Variants in PLCG2 observed in about 807,000 individuals in gnomAD.
PLCG2 encodes 1-phosphatidylinositol 4,5-bisphosphate phosphodiesterase gamma-2.
PLCG2 carries 69 observed loss-of-function variants against 175.6 expected under a neutral mutation model. That is an observed-to-expected ratio of 0.39 (90% CI 0.32 to 0.48). The LOEUF (loss-of-function observed/expected upper bound fraction) is 0.48, where lower values mean the gene tolerates loss of function less well. Ranked by LOEUF, PLCG2 falls within the 20% of genes least tolerant of loss-of-function variation. The pLI is 0.91. For synonymous variants in PLCG2, 827 were observed against 624.0 expected (o/e 1.33, Z -4.85); for missense variants, 1,798 against 1,650.9 (o/e 1.09, Z -1.54).
intron 23 of PLCG2, 114 bp from the exon 24 acceptor site, chr16:81,928,444 C>T: frequency 2.8e-6 from 2 of 712,610 alleles, no homozygotes; most frequent in Non-Finnish European, 2.6e-6. Context: ...AATGAAAATG[C>T]ATTTTAAACA....
At chr16:81,864,198 A>C (rs1907116970) in intron 5 of PLCG2, among the ~76,000 whole-genome samples, 1 of 152,150 alleles carries the variant, frequency 6.6e-6, no homozygotes, top group Non-Finnish European at 1.5e-5. Context: ...GGTGGTGGGC[A>C]GGGCTCAAGA....
At chr16:81,829,418 ATGTTGAC>A (rs1313341200) in intron 2 of PLCG2, among the ~76,000 whole-genome samples, 1 of 152,062 alleles carries the variant, frequency 6.6e-6, no homozygotes, top group African/African-American at 2.4e-5. Flanking sequence ...CAGTTTCACC[ATGTTGAC>A]CAGGCTAGTC....
intron 1 of PLCG2, among the ~76,000 whole-genome samples, chr16:81,751,138 G>A (rs528973738): frequency 2.8e-4 from 43 of 151,524 alleles, no homozygotes; most frequent in African/African-American, 1.0e-3. Context: ...ATTCCACCAT[G>A]CCCAGCTAAT....
chr16:81,885,573 T>G (rs1185930532), intron 9 of PLCG2, among the ~76,000 whole-genome samples: 1 of 152,218 alleles, frequency 6.6e-6, no homozygotes, highest in Non-Finnish European at 1.5e-5. Flanking sequence ...ACCCCAGACT[T>G]TGCGTCATTT....
chr16:81,957,450 C>T (rs575799087), intron 32 of PLCG2, among the ~76,000 whole-genome samples: 6 of 152,210 alleles, frequency 3.9e-5, no homozygotes, highest in South Asian at 2.1e-4. Flanking sequence ...AATTTAATAG[C>T]GAAAATAAAT....
intron 1 of PLCG2, among the ~76,000 whole-genome samples, chr16:81,752,000 C>T (rs1206550519): frequency 6.6e-6 from 1 of 151,096 alleles, no homozygotes; most frequent in Non-Finnish European, 1.5e-5. Flanking sequence ...CCAGCCTGGC[C>T]AACAAAGCAA....
intron 2 of PLCG2, among the ~76,000 whole-genome samples, chr16:81,769,759 G>A (rs1167951861): frequency 1.4e-5 from 2 of 141,424 alleles, no homozygotes; most frequent in East Asian, 2.0e-4. Context: ...GGCGGAGCTT[G>A]CAGTGAGCCG....
At chr16:81,830,404 T>C (rs1905212165) in intron 2 of PLCG2, among the ~76,000 whole-genome samples, 1 of 152,120 alleles carries the variant, frequency 6.6e-6, no homozygotes, top group Non-Finnish European at 1.5e-5. Context: ...CTTCTTGGGT[T>C]CAAGCGTTTC....
chr16:81,883,820 C>A (rs1045011438), intron 9 of PLCG2, among the ~76,000 whole-genome samples: 5 of 152,328 alleles, frequency 3.3e-5, no homozygotes, highest in African/African-American at 9.6e-5. Flanking sequence ...GGGACAGTCT[C>A]CCTGGACAGG....
intron 2 of PLCG2, among the ~76,000 whole-genome samples, chr16:81,824,219 C>G (rs1458643804): frequency 6.6e-6 from 1 of 151,492 alleles, no homozygotes; most frequent in African/African-American, 2.4e-5. Flanking sequence ...CCGCAACCTC[C>G]ACCTCCCGGC....
intron 2 of PLCG2, among the ~76,000 whole-genome samples, chr16:81,839,695 A>G (rs1254289696): frequency 6.6e-6 from 1 of 152,200 alleles, no homozygotes; most frequent in Non-Finnish European, 1.5e-5. Context: ...AAGGGTGGGC[A>G]CCATTTAAAT....
At chr16:81,787,219 T>A (rs74599228) in intron 2 of PLCG2, among the ~76,000 whole-genome samples, 4 of 144,272 alleles carry the variant, frequency 2.8e-5, no homozygotes, top group South Asian at 2.2e-4. Context: ...CTTTTTTTTT[T>A]AAAACAAAAT....
At chr16:81,818,117 C>T (rs1430215948) in intron 2 of PLCG2, among the ~76,000 whole-genome samples, 1 of 152,194 alleles carries the variant, frequency 6.6e-6, no homozygotes, top group East Asian at 1.9e-4. Context: ...ACCTACTTTA[C>T]AGGGCTCTCG....
intron 2 of PLCG2, among the ~76,000 whole-genome samples, chr16:81,758,846 T>G (rs1007575343): frequency 6.6e-6 from 1 of 152,064 alleles, no homozygotes; most frequent in African/African-American, 2.4e-5. Context: ...CCCAGCTAAT[T>G]TTTATATTTT....
intron 8 of PLCG2, 28 bp downstream of exon 8, chr16:81,880,981 G>A (rs758583672): frequency 1.9e-6 from 3 of 1,612,222 alleles, no homozygotes; most frequent in African/African-American, 2.7e-5. Flanking sequence ...TGTCGTTCGG[G>A]GCGGCTGTGC....
rs117518127 is a variant in PLCG2 at position 81,749,926 on chromosome 16, C to T, written c.-144-5944C>T. On this transcript the variant is annotated intron_variant, in intron 1 of 5. Transcript: ENST00000565054. ...TTCACTTAAGTGTAATCCATCTACG[C>T]GGCGGAATGCAAGGTACCATGGTTG... 9.9e-5 allele frequency among the ~76,000 whole-genome samples: 15 copies of T among 152,078 alleles called. No homozygotes were observed. The East Asian group carries it at 2.1e-3, about 22-fold the overall frequency.
chr16:81,761,409 T>C (rs913913718), intron 2 of PLCG2, among the ~76,000 whole-genome samples: 1 of 152,178 alleles, frequency 6.6e-6, no homozygotes, highest in Non-Finnish European at 1.5e-5. Flanking sequence ...TGTAAGTGTA[T>C]TGTAATTATG....
intron 16 of PLCG2, 51 bp from the exon 17 acceptor site, chr16:81,908,365 C>T (rs758353499): frequency 6.5e-7 from 1 of 1,529,512 alleles, no homozygotes; most frequent in Non-Finnish European, 9.0e-7. Context: ...TCTAGTGATG[C>T]TGGGGTTTGG....
intron 26 of PLCG2, among the ~76,000 whole-genome samples, chr16:81,935,024 C>T (rs1052790341): frequency 2.6e-5 from 4 of 152,170 alleles, no homozygotes; most frequent in African/African-American, 9.7e-5. Context: ...GGTGGGGACA[C>T]AGCCAAACCA....
Sources: allele counts gnomAD v4.1 joint callset (sites outside exome capture counted in the v4.1 genomes callset), GRCh38; gene constraint gnomAD v4.1.1; transcripts MANE v1.5; gene names NCBI Gene and HGNC (gene_info 2026-07-23, HGNC 2026-07-21).